The following HS3ST4 variants were observed in gnomAD, a reference collection of about 807,000 sequenced individuals.
HS3ST4 encodes the protein heparan sulfate-glucosamine 3-sulfotransferase 4.
A neutral mutation model predicts 29.2 loss-of-function variants in HS3ST4; 17 were observed. The ratio of observed to expected loss-of-function variants is 0.58; its 90% CI spans 0.40 to 0.87. The LOEUF (loss-of-function observed/expected upper bound fraction) is 0.87. Among genes scored for constraint, HS3ST4 ranks in the 40% least tolerant of loss-of-function variants. The pLI, the probability that HS3ST4 is intolerant of heterozygous loss-of-function variation, is 0.00. For missense variants in HS3ST4, 627 were observed against 634.5 expected, an observed-to-expected ratio of 0.99 and a Z score of 0.13; for synonymous variants, 314 against 285.7, an observed-to-expected ratio of 1.10 and a Z score of -1.00.
intron 1 of HS3ST4, among the ~76,000 whole-genome samples, chr16:26,110,058 C>A (rs1426315214): frequency 6.6e-6 from 1 of 152,094 alleles, no homozygotes; most frequent in South Asian, 2.1e-4. Context: ...CTATCCTTCA[C>A]CCCCTGAACC....
chr16:25,926,849 T>A (rs1372024936), intron 1 of HS3ST4, among the ~76,000 whole-genome samples: 1 of 152,200 alleles, frequency 6.6e-6, no homozygotes, highest in East Asian at 1.9e-4. Context: ...TTTCCTATGA[T>A]CTCAGTAGGT....
intron 1 of HS3ST4, among the ~76,000 whole-genome samples, chr16:25,746,513 A>T (rs1158354861): frequency 6.6e-6 from 1 of 151,958 alleles, no homozygotes; most frequent in East Asian, 1.9e-4. Flanking sequence ...AAGGCGATAA[A>T]ACTTTGAGTC....
chr16:25,838,287 CTTAG>C lies in HS3ST4; in HGVS notation c.734+145143_734+145146del, dbSNP rs369354347. ...GACTACAGTGCAGGCTTCTTCTTAT[CTTAG>C]TTAGTTTTCCCAGAAGTACTTATCT... On this transcript the variant is annotated intron_variant, in intron 1 of 1. Transcript: ENST00000331351. Among the ~76,000 whole-genome samples the C allele has an allele frequency of 5.1e-3, 784 of 152,290 alleles. 7 individuals are homozygous for C. The highest frequency in any genetic ancestry group is 0.018 in the African/African-American group (749 of 41,554).
At chr16:26,090,641 C>A (rs141708171) in intron 1 of HS3ST4, among the ~76,000 whole-genome samples, 1 of 151,978 alleles carries the variant, frequency 6.6e-6, no homozygotes, top group African/African-American at 2.4e-5. Flanking sequence ...TGGAGACCCT[C>A]GGGGCCCATG....
intron 1 of HS3ST4, among the ~76,000 whole-genome samples, chr16:25,794,973 C>CTTTT (rs58579462): frequency 2.1e-4 from 26 of 126,118 alleles, no homozygotes; most frequent in East Asian, 4.9e-4. Flanking sequence ...TTTTTCTTTA[C>CTTTT]TTTTTTTTTT....
At chr16:25,977,579 A>G (rs1452314942) in intron 1 of HS3ST4, among the ~76,000 whole-genome samples, 2 of 152,184 alleles carry the variant, frequency 1.3e-5, no homozygotes, top group Non-Finnish European at 1.5e-5. Flanking sequence ...GGTTTCCCCC[A>G]TAGAATCACA....
intron 1 of HS3ST4, among the ~76,000 whole-genome samples, chr16:25,739,941 G>A (rs1024777784): frequency 2.0e-5 from 3 of 152,196 alleles, no homozygotes; most frequent in Non-Finnish European, 4.4e-5. Context: ...ACCTGGGTGA[G>A]ACTCTTTACC....
chr16:25,856,776 T>A (rs1967577801), intron 1 of HS3ST4, among the ~76,000 whole-genome samples: 1 of 152,194 alleles, frequency 6.6e-6, no homozygotes, highest in Non-Finnish European at 1.5e-5. Context: ...TCAACCCCCA[T>A]GCCTTACCTA....
At chr16:25,799,946 G>A (rs777937712) in intron 1 of HS3ST4, among the ~76,000 whole-genome samples, 9 of 151,984 alleles carry the variant, frequency 5.9e-5, no homozygotes, top group Non-Finnish European at 1.3e-4. Context: ...GAACCTCTGG[G>A]CTCAAGTGAT....
At chr16:25,915,359 G>T (rs1034041291) in intron 1 of HS3ST4, among the ~76,000 whole-genome samples, 3 of 152,110 alleles carry the variant, frequency 2.0e-5, no homozygotes, top group Admixed American at 6.5e-5. Flanking sequence ...AAACATACCT[G>T]CTCATAAATT....
chr16:25,937,098 A>G (rs181742810), intron 1 of HS3ST4, among the ~76,000 whole-genome samples: 2 of 152,118 alleles, frequency 1.3e-5, no homozygotes, highest in East Asian at 1.9e-4. Flanking sequence ...GTTGGAATCA[A>G]TTAGGGACAA....
intron 1 of HS3ST4, among the ~76,000 whole-genome samples, chr16:26,068,003 C>A (rs908829546): frequency 1.3e-5 from 2 of 152,098 alleles, no homozygotes; most frequent in African/African-American, 4.8e-5. Flanking sequence ...TGTGAATTAC[C>A]CAGTCTTGGT....
intron 1 of HS3ST4, among the ~76,000 whole-genome samples, chr16:25,947,768 A>G (rs1232838477): frequency 6.6e-6 from 1 of 152,150 alleles, no homozygotes; most frequent in African/African-American, 2.4e-5. Context: ...CTTACATCAT[A>G]GTATATGTGG....
At chr16:26,015,944 G>C (rs1290792687) in intron 1 of HS3ST4, among the ~76,000 whole-genome samples, 1 of 152,100 alleles carries the variant, frequency 6.6e-6, no homozygotes, top group East Asian at 1.9e-4. Flanking sequence ...ACAGCTGGGG[G>C]TGGGGTGTGC....
intron 1 of HS3ST4, among the ~76,000 whole-genome samples, chr16:25,764,649 A>G (rs1966806933): frequency 6.6e-6 from 1 of 152,238 alleles, no homozygotes. Flanking sequence ...GACTGCCCCT[A>G]GAATAGGGAT....
At chr16:25,975,619 T>C (rs1968936954) in intron 1 of HS3ST4, among the ~76,000 whole-genome samples, 1 of 152,170 alleles carries the variant, frequency 6.6e-6, no homozygotes, top group Non-Finnish European at 1.5e-5. Context: ...ACCTCACTGG[T>C]CTGAGCCAGC....
chr16:26,048,817 A>G (rs979542912), intron 1 of HS3ST4, among the ~76,000 whole-genome samples: 6 of 152,172 alleles, frequency 3.9e-5, no homozygotes, highest in Admixed American at 3.9e-4. Context: ...TGGGTGACAG[A>G]GCGAGACCCT....
chr16:26,041,296 A>G (rs1596660116), intron 1 of HS3ST4, among the ~76,000 whole-genome samples: 1 of 152,278 alleles, frequency 6.6e-6, no homozygotes, highest in African/African-American at 2.4e-5. Flanking sequence ...AGCTATGATC[A>G]TGCACTGCAC....
intron 1 of HS3ST4, among the ~76,000 whole-genome samples, chr16:25,700,034 A>G (rs1208729547): frequency 6.6e-6 from 1 of 152,052 alleles, no homozygotes. Context: ...GGCCCTAAAG[A>G]GAAAGCTGTA....
Sources: allele counts gnomAD v4.1 joint callset (sites outside exome capture counted in the v4.1 genomes callset), GRCh38; gene constraint gnomAD v4.1.1; transcripts MANE v1.5; gene names NCBI Gene and HGNC (gene_info 2026-07-23, HGNC 2026-07-21).